The following EVX1 variants were observed in gnomAD, a reference collection of about 807,000 sequenced individuals.
EVX1 encodes even-skipped homeobox 1, also known as homeobox even-skipped homolog protein 1.
Under a neutral mutation model 28.6 loss-of-function variants are expected in EVX1, and 19 were observed. The observed-to-expected ratio is 0.67, with a 90% confidence interval of 0.46 to 0.98. The LOEUF is 0.98. Ranked by LOEUF, EVX1 falls within the 50% of genes least tolerant of loss-of-function variation. The pLI is 0.00. For synonymous variants in EVX1, 324 were observed against 278.2 expected (o/e 1.16, Z -1.64); for missense variants, 660 against 583.0 (o/e 1.13, Z -1.36).
chr7:27,245,602 C>T (rs1372953544), intron 2 of EVX1, among the ~76,000 whole-genome samples: 1 of 152,182 alleles, frequency 6.6e-6, no homozygotes, highest in Non-Finnish European at 1.5e-5. Flanking sequence ...CAATTGAGTC[C>T]ATGTCCTTTC....
Position 27,243,348 on chromosome 7 carries a change from A to C in EVX1, c.318A>C (p.Gly106=), listed in dbSNP as rs769937342. 1 of 1,607,736 alleles carries C rather than the reference A, an allele frequency of 6.2e-7. No individual in the cohort carries two copies. Among genetic ancestry groups the C allele is most frequent in the Non-Finnish European group, 8.5e-7 (1 of 1,177,962 alleles). ...CCCCCTCAGTCGACAGCCTCTCCGG[A>C]CAGGGGCAACCCAGTAGCTCGGACA... ...PPAPSVDSLS[G]QGQPSSSDTE... Residue 106 remains glycine (G), a synonymous_variant, in exon 1 of 3, where the codon GGA becomes GGC. Transcript: ENST00000496902.
intron 1 of EVX1, 65 bp downstream of exon 1, chr7:27,243,522 C>A (rs1783085793): frequency 6.7e-7 from 1 of 1,494,242 alleles, no homozygotes; most frequent in African/African-American, 1.4e-5. Context: ...TCGGCGCAGG[C>A]CAGGAGGAAG....
chr7:27,246,066 G>A lies in EVX1; in HGVS notation c.865G>A (p.Ala289Thr). The A allele has an allele frequency of 1.9e-6, 3 of 1,580,090 alleles. No homozygotes were observed. The highest frequency in any genetic ancestry group is 8.5e-7 in the Non-Finnish European group (1 of 1,172,254). ...LPYYSPVGLG[A>T]ASAASAAASP... ...CTACTACTCGCCGGTGGGCCTGGGC[G>A]CCGCATCCGCCGCCTCCGCCGCCGC... The change falls in exon 3 of 3, where the codon GCC becomes ACC. Residue 289 changes from alanine to threonine, a missense_variant. Ala to Thr is a moderately conservative substitution (Grantham distance 58). Around this residue, in one of 3 missense-constraint regions of EVX1, gnomAD observed 299 missense variants for 241.3 expected, o/e 1.24. Coordinates refer to ENST00000496902, the MANE Select transcript of EVX1 (RefSeq NM_001989.5).
intron 2 of EVX1, among the ~76,000 whole-genome samples, chr7:27,245,583 GCCGCAGACC>G (rs1783149766): frequency 6.6e-6 from 1 of 152,202 alleles, no homozygotes; most frequent in African/African-American, 2.4e-5. Flanking sequence ...GCTCTCTGCG[GCCGCAGACC>G]AATTGAGTCC....
rs748414575 is a variant in EVX1, at chr7:27,245,072, G to A, written c.452G>A (p.Gly151Asp). The change falls in exon 2 of 3, where the codon GGC becomes GAC. Residue 151 changes from glycine (G) to aspartate (D), a missense_variant. Transcript: ENST00000496902. Reference protein sequence around the residue: ...SKGSGSEALVGSPNGGSETPK... With the variant: ...SKGSGSEALVDSPNGGSETPK... ...GGGTCCGGCTCCGAGGCGCTGGTCGGCAGTCCGAACGGAGGGAGCGAGACC... is the reference window on the plus strand; with the variant it reads ...GGGTCCGGCTCCGAGGCGCTGGTCGACAGTCCGAACGGAGGGAGCGAGACC... The A allele has an allele frequency of 2.5e-6, 4 of 1,611,838 alleles. No homozygotes were observed. The highest frequency in any genetic ancestry group is 3.4e-6 in the Non-Finnish European group (4 of 1,179,792).
Position 27,246,210 on chromosome 7 carries a change from C to T in EVX1, c.1009C>T (p.His337Tyr). Residue 337 changes from histidine (H) to tyrosine (Y), a missense_variant, in exon 3 of 3, where the codon CAC becomes TAC. Physicochemically the swap from His to Tyr is moderately conservative, Grantham distance 83. Transcript: ENST00000496902. ...RHPPLYPGPA[H>Y]GLGASAGGPC... ...CCCGCCGCTCTACCCCGGGCCCGCG[C>T]ACGGACTGGGCGCCTCTGCCGGCGG... The T allele has an allele frequency of 6.7e-7, 1 of 1,500,942 alleles. No individual in the cohort carries two copies. Among genetic ancestry groups the T allele is most frequent in the Middle Eastern group, 2.0e-4 (1 of 4,922 alleles). 93.0% of individuals were successfully genotyped at this position (1,500,942 alleles called of 1,614,324 possible).
In EVX1 at chr7:27,243,023, G is replaced by C. The variant is rs1426157926; in HGVS notation, c.-8G>C. The C allele has an allele frequency of 6.4e-7, 1 of 1,568,432 alleles. No individual in the cohort carries two copies. Among genetic ancestry groups the C allele is most frequent in the Non-Finnish European group, 8.6e-7 (1 of 1,157,360 alleles). ...GGGCTTTCCCCTCCCCCACCGGAGA[G>C]CCCCGGGATGGAGAGCCGAAAGGAC... On this transcript the variant is annotated 5_prime_UTR_variant, in exon 1 of 3. Coordinates refer to ENST00000496902, the MANE Select transcript of EVX1 (RefSeq NM_001989.5).
Position 27,246,498 on chromosome 7 carries a change from C to A in EVX1, c.*73C>A, listed in dbSNP as rs1054302102. 4.6e-6 allele frequency: 6 copies of A among 1,308,698 alleles called. No individual in the cohort carries two copies. The highest frequency in any genetic ancestry group is 6.3e-6 in the Non-Finnish European group (6 of 954,798). 81.1% of individuals were successfully genotyped at this position (1,308,698 alleles called of 1,614,324 possible). A position where few individuals can be genotyped will look rare whatever the true frequency, so the allele number is the denominator to read the frequency against. On this transcript the variant is annotated 3_prime_UTR_variant, in exon 3 of 3. Coordinates refer to ENST00000496902, the MANE Select transcript of EVX1 (RefSeq NM_001989.5). The stretch of plus-strand genomic sequence containing the variant: ...CCCGGCCCCGGGACTCAGCCAGCCT[C>A]GCTCCTCGCTCCTCGCTCCTCGCCC...
Position 27,245,938 on chromosome 7 carries a change from C to A in EVX1, c.737C>A (p.Thr246Lys). 1.2e-6 allele frequency: 2 copies of A among 1,600,916 alleles called. No homozygotes were observed. Among genetic ancestry groups the A allele is most frequent in the Non-Finnish European group, 1.7e-6 (2 of 1,175,830 alleles). Reference protein sequence around the residue: ...MKDKRQRLAMTWPHPADPAFY... With the variant: ...MKDKRQRLAMKWPHPADPAFY... ...GACAAGCGGCAGCGCCTGGCCATGA[C>A]GTGGCCGCACCCGGCGGACCCCGCC... is the stretch of plus-strand genomic sequence containing the variant. Residue 246 changes from threonine (T) to lysine (K), a missense_variant, in exon 3 of 3, where the codon ACG (threonine) becomes AAG (lysine). By Grantham distance (78) the Thr-to-Lys change is moderately conservative. Transcript: ENST00000496902.
At chr7:27,244,935 C>A in intron 1 of EVX1, 113 bp from the exon 2 acceptor site, 1 of 1,469,974 alleles carries the variant, frequency 6.8e-7, no homozygotes, top group Non-Finnish European at 9.1e-7. Flanking sequence ...ACTGAGGTGG[C>A]TGACAGGGTG....
Position 27,246,137 on chromosome 7 carries a change from G to T in EVX1, c.936G>T (p.Val312=). 2.6e-6 allele frequency: 4 copies of T among 1,528,522 alleles called. No individual in the cohort carries two copies. Among genetic ancestry groups the T allele is most frequent in the Non-Finnish European group, 3.5e-6 (4 of 1,147,230 alleles). 94.7% of individuals were successfully genotyped at this position (1,528,522 alleles called of 1,614,324 possible). The change falls in exon 3 of 3, where the codon GTG becomes GTT. Residue 312 remains valine (V), a synonymous_variant. Transcript: ENST00000496902. ...TGCGCCCGCTCGACACGTTCCGCGT[G>T]CTGTCGCAGCCCTACCCGCGGCCCG... ...GSLRPLDTFR[V]LSQPYPRPEL...
Position 27,245,322 on chromosome 7 carries a change from T to C in EVX1, c.684+18T>C. ...CCATCAAGGTATGCGGGGTCCAGGC[T>C]GGGGAGGCGGGTGTGCACCTATTTA... On this transcript the variant is annotated intron_variant, in intron 2 of 2. Coordinates refer to ENST00000496902, the MANE Select transcript of EVX1 (RefSeq NM_001989.5). 2 of 1,612,370 alleles carry C rather than the reference T, an allele frequency of 1.2e-6. No homozygotes were observed. The highest frequency in any genetic ancestry group is 8.5e-7 in the Non-Finnish European group (1 of 1,179,316).
Position 27,245,132 on chromosome 7 carries a change from C to G in EVX1, c.512C>G (p.Ser171Trp). 1 of 1,613,016 alleles carries G rather than the reference C, an allele frequency of 6.2e-7. No individual in the cohort carries two copies. Among genetic ancestry groups the G allele is most frequent in the Non-Finnish European group, 8.5e-7 (1 of 1,179,958 alleles). ...KSNGGSGGGG[S>W]QGTLACSASD... Reference sequence around the variant, plus strand: ...AACGGCGGCAGTGGTGGGGGCGGCTCGCAAGGCACCCTGGCGTGCAGCGCC... The same window carrying G: ...AACGGCGGCAGTGGTGGGGGCGGCTGGCAAGGCACCCTGGCGTGCAGCGCC... The change falls in exon 2 of 3, where the codon TCG (serine) becomes TGG (tryptophan). Residue 171 changes from serine to tryptophan, a missense_variant. This residue lies in a region of EVX1 where 308 missense variants were observed against 256.6 expected (regional missense o/e 1.20). Coordinates refer to ENST00000496902, the MANE Select transcript of EVX1 (RefSeq NM_001989.5).
Position 27,243,418 on chromosome 7 carries a change from G to A in EVX1, c.388G>A (p.Asp130Asn), listed in dbSNP as rs1417713117. Residue 130 changes from aspartate to asparagine, a missense_variant, in exon 1 of 3, where the codon GAC (aspartate) becomes AAC (asparagine). This residue lies in a region of EVX1 where 308 missense variants were observed against 256.6 expected (regional missense o/e 1.20). Coordinates refer to ENST00000496902, the MANE Select transcript of EVX1 (RefSeq NM_001989.5). The stretch of plus-strand genomic sequence containing the variant: ...AGAAATCGAGGTGAGCTGCACCCCG[G>A]ACTGCGCCACCGGGAACGCCGAGTA... ...YEEIEVSCTP[D>N]CATGNAEYQH... 1.2e-6 allele frequency: 2 copies of A among 1,609,954 alleles called. No homozygotes were observed. Among genetic ancestry groups the A allele is most frequent in the Non-Finnish European group, 1.7e-6 (2 of 1,178,912 alleles).
Position 27,245,036 on chromosome 7 carries a change from C to T in EVX1, c.428-12C>T. ...TGTCTGTACACGCCTGTGCTCTGGACTCGCTGTGCAGGGTCCGGCTCCGAG... is the reference window on the plus strand; with the variant it reads ...TGTCTGTACACGCCTGTGCTCTGGATTCGCTGTGCAGGGTCCGGCTCCGAG... On this transcript the variant is annotated splice_polypyrimidine_tract_variant and intron_variant, in intron 1 of 2. Transcript: ENST00000496902. 1 of 1,606,410 alleles carries T rather than the reference C, an allele frequency of 6.2e-7. No individual in the cohort carries two copies. Among genetic ancestry groups the T allele is most frequent in the Middle Eastern group, 1.7e-4 (1 of 6,026 alleles).
At position 27,243,402 on chromosome 7, in the gene EVX1, G is replaced by A. The variant is rs1382750683; in HGVS notation, c.372G>A (p.Glu124=). The A allele has an allele frequency of 3.7e-6, 6 of 1,612,042 alleles. No homozygotes were observed. The African/African-American group carries it at 6.7e-5, about 18-fold the overall frequency. The part of the protein sequence containing the change: ...DTESDFYEEI[E]VSCTPDCATG... ...AGTCGGATTTCTATGAAGAAATCGA[G>A]GTGAGCTGCACCCCGGACTGCGCCA... The change falls in exon 1 of 3, where the codon GAG becomes GAA. Residue 124 remains glutamate, a synonymous_variant. Coordinates refer to ENST00000496902, the MANE Select transcript of EVX1 (RefSeq NM_001989.5).
rs1280482362 is a variant in EVX1 at position 27,246,093 on chromosome 7, T to C, written c.892T>C (p.Ser298Pro). The C allele has an allele frequency of 5.8e-6, 9 of 1,564,784 alleles. No homozygotes were observed. In the Admixed American group the frequency reaches 1.6e-4, roughly 28 times the overall value. ...GAASAASAAASPFSGSLRPLD... is the reference protein window; with the variant it reads ...GAASAASAAAPPFSGSLRPLD... ...CGCATCCGCCGCCTCCGCCGCCGCC[T>C]CGCCCTTCAGCGGCTCGCTGCGCCC... The change falls in exon 3 of 3, where the codon TCG becomes CCG. Residue 298 changes from serine to proline, a missense_variant. Ser to Pro is a moderately conservative substitution (Grantham distance 74, BLOSUM62 -1). Coordinates refer to ENST00000496902, the MANE Select transcript of EVX1 (RefSeq NM_001989.5).
Position 27,245,131 on chromosome 7 carries a change from T to C in EVX1, c.511T>C (p.Ser171Pro). The change falls in exon 2 of 3, where the codon TCG becomes CCG. Residue 171 changes from serine (S) to proline (P), a missense_variant. Coordinates refer to ENST00000496902, the MANE Select transcript of EVX1 (RefSeq NM_001989.5). ...CAACGGCGGCAGTGGTGGGGGCGGC[T>C]CGCAAGGCACCCTGGCGTGCAGCGC... is the stretch of plus-strand genomic sequence containing the variant. ...KSNGGSGGGG[S>P]QGTLACSASD... 6.2e-7 allele frequency: 1 copy of C among 1,612,670 alleles called. No individual in the cohort carries two copies. The highest frequency in any genetic ancestry group is 8.5e-7 in the Non-Finnish European group (1 of 1,179,856).
At chr7:27,245,015 T>C in intron 1 of EVX1, 33 bp from the exon 2 acceptor site, 2 of 1,593,506 alleles carry the variant, frequency 1.3e-6, no homozygotes, top group East Asian at 2.2e-5. Context: ...TGTCTGTGTC[T>C]GTACACGCCT....
Sources: gnomAD v4.1 joint callset for allele counts (sites outside exome capture counted in the v4.1 genomes callset) on GRCh38, gnomAD v4.1.1 for gene constraint, gnomAD v4.1.1 regional missense constraint, MANE v1.5 for transcripts, NCBI Gene and HGNC (gene_info 2026-07-23, HGNC 2026-07-21) for gene names.